The following SCUBE1 variants were observed in gnomAD, a reference collection of about 807,000 sequenced individuals.
SCUBE1 encodes signal peptide, CUB and EGF-like domain-containing protein 1.
SCUBE1 carries 59 observed loss-of-function variants against 124.4 expected under a neutral mutation model. The ratio of observed to expected loss-of-function variants is 0.47; its 90% CI spans 0.38 to 0.59. The LOEUF (loss-of-function observed/expected upper bound fraction) is 0.59. Ranked by LOEUF, SCUBE1 falls within the 20% of genes least tolerant of loss-of-function variation. The pLI is 0.00. For synonymous variants in SCUBE1, 545 were observed against 550.9 expected, an observed-to-expected ratio of 0.99 and a Z score of 0.15; for missense variants, 1,150 against 1,371.2, an observed-to-expected ratio of 0.84 and a Z score of 2.55.
chr22:43,342,376 C>G (rs1261877970), intron 1 of SCUBE1, among the ~76,000 whole-genome samples: 1 of 152,084 alleles, frequency 6.6e-6, no homozygotes, highest in East Asian at 1.9e-4. Context: ...CTCCCTGTGT[C>G]TGTCCTCCGG....
At chr22:43,278,509 C>T (rs1037113127) in intron 4 of SCUBE1, among the ~76,000 whole-genome samples, 1 of 152,210 alleles carries the variant, frequency 6.6e-6, no homozygotes, top group African/African-American at 2.4e-5. Context: ...GTGCTAGGGC[C>T]CCTCAGGTCA....
intron 4 of SCUBE1, among the ~76,000 whole-genome samples, chr22:43,281,396 ATCCTGTCACCTCCCTCAGCCATCC>A (rs1311046162): frequency 6.3e-4 from 35 of 55,502 alleles, no homozygotes; most frequent in Admixed American, 2.6e-3. Context: ...CTCCTCAGCT[ATCCTGTCACCTCCCTCAGCCATCC>A]TCCTGTCACC....
intron 3 of SCUBE1, among the ~76,000 whole-genome samples, chr22:43,302,232 C>T (rs1239689629): frequency 2.0e-5 from 3 of 152,198 alleles, no homozygotes; most frequent in South Asian, 2.1e-4. Flanking sequence ...CAGTGCATGA[C>T]GGGATCCATG....
chr22:43,327,859 A>G (rs181435938), intron 2 of SCUBE1, among the ~76,000 whole-genome samples: 2 of 152,356 alleles, frequency 1.3e-5, no homozygotes, highest in Non-Finnish European at 2.9e-5. Flanking sequence ...ATGTGAATAT[A>G]CTAAAGGCAT....
At chr22:43,301,869 G>A (rs1387330379) in intron 3 of SCUBE1, among the ~76,000 whole-genome samples, 1 of 152,242 alleles carries the variant, frequency 6.6e-6, no homozygotes, top group Non-Finnish European at 1.5e-5. Context: ...TTCTGGCCTG[G>A]ACATCCACAG....
intron 21 of SCUBE1, among the ~76,000 whole-genome samples, chr22:43,204,381 C>T (rs1243505966): frequency 6.6e-6 from 1 of 152,014 alleles, no homozygotes; most frequent in Non-Finnish European, 1.5e-5. Flanking sequence ...GGTCACTGCA[C>T]CTCGCCTCCT....
chr22:43,292,272 C>T (rs1050611490), intron 3 of SCUBE1, among the ~76,000 whole-genome samples: 9 of 152,182 alleles, frequency 5.9e-5, no homozygotes, highest in Admixed American at 3.9e-4. Context: ...TTCCCACTCT[C>T]GGGGAGAGGC....
chr22:43,245,663 C>T (rs1226623541), intron 6 of SCUBE1, among the ~76,000 whole-genome samples: 2 of 152,200 alleles, frequency 1.3e-5, no homozygotes, highest in Non-Finnish European at 2.9e-5. Flanking sequence ...GTCTCCTGGA[C>T]TCTGCCTTTT....
intron 3 of SCUBE1, among the ~76,000 whole-genome samples, chr22:43,317,568 C>A (rs1215970805): frequency 6.6e-6 from 1 of 152,210 alleles, no homozygotes; most frequent in Non-Finnish European, 1.5e-5. Context: ...CGGACATGCT[C>A]CTGCCAAATC....
chr22:43,238,730 A>T, intron 7 of SCUBE1, 108 bp downstream of exon 7: 2 of 879,450 alleles, frequency 2.3e-6, no homozygotes, highest in Non-Finnish European at 3.9e-6. Flanking sequence ...TCCCACAGCT[A>T]CACGTGGCCC....
intron 4 of SCUBE1, among the ~76,000 whole-genome samples, chr22:43,279,804 G>A (rs1179787579): frequency 1.3e-5 from 2 of 152,160 alleles, no homozygotes; most frequent in Non-Finnish European, 2.9e-5. Flanking sequence ...ACCTGCCCTG[G>A]CACAAAAATG....
At chr22:43,224,501 C>A (rs1024177744) in intron 10 of SCUBE1, among the ~76,000 whole-genome samples, 2 of 152,184 alleles carry the variant, frequency 1.3e-5, no homozygotes, top group African/African-American at 4.8e-5. Context: ...TCCTTGGGGA[C>A]CAGATGGCGA....
intron 4 of SCUBE1, among the ~76,000 whole-genome samples, chr22:43,280,724 TGTCACC>T (rs1924769553): frequency 3.2e-5 from 2 of 63,074 alleles, no homozygotes; most frequent in African/African-American, 1.5e-4. Context: ...GCCACCCTCC[TGTCACC>T]TTCCTCCTCG....
intron 3 of SCUBE1, among the ~76,000 whole-genome samples, chr22:43,299,270 G>A (rs1023656770): frequency 1.3e-5 from 2 of 152,204 alleles, no homozygotes; most frequent in African/African-American, 4.8e-5. Flanking sequence ...AGCAGGTGCA[G>A]CACGAAGCCG....
intron 3 of SCUBE1, among the ~76,000 whole-genome samples, chr22:43,307,827 G>C (rs879057384): frequency 2.0e-5 from 3 of 152,184 alleles, no homozygotes; most frequent in Admixed American, 2.0e-4. Flanking sequence ...ACATATGACA[G>C]GGAAACTGAG....
At position 43,198,565 on chromosome 22, in the gene SCUBE1, C is replaced by T. The variant is rs756080100; in HGVS notation, c.*5432G>A. The T allele has an allele frequency of 2.8e-5, 13 of 456,648 alleles. No individual in the cohort carries two copies. The highest frequency in any genetic ancestry group is 1.9e-4 in the South Asian group (12 of 64,578). The allele number at this position is 456,648 out of a possible 1,614,324, so 28.3% of individuals were successfully genotyped here. ...TCTCTGCTCTCTCTCCACATCCTCA[C>T]TCCACCCCTCATTACATCCTCTGCC... On this transcript the variant is annotated 3_prime_UTR_variant, in exon 22 of 22. Coordinates refer to ENST00000360835, the MANE Select transcript of SCUBE1 (RefSeq NM_173050.5).
At chr22:43,323,672 A>G (rs1362617702) in intron 2 of SCUBE1, among the ~76,000 whole-genome samples, 3 of 151,922 alleles carry the variant, frequency 2.0e-5, no homozygotes, top group Non-Finnish European at 4.4e-5. Context: ...CATTGATTCA[A>G]ATACCCACCT....
intron 4 of SCUBE1, among the ~76,000 whole-genome samples, chr22:43,275,571 A>C (rs1485393046): frequency 6.6e-6 from 1 of 152,224 alleles, no homozygotes; most frequent in Non-Finnish European, 1.5e-5. Context: ...CATTTCAAAC[A>C]CATGAGTGCA....
intron 3 of SCUBE1, among the ~76,000 whole-genome samples, chr22:43,315,462 C>CCAGTTCTTACAG (rs1461866772): frequency 6.6e-6 from 1 of 152,152 alleles, no homozygotes; most frequent in Non-Finnish European, 1.5e-5. Flanking sequence ...ACGAGGTACT[C>CCAGTTCTTACAG]CAGTTCTTAC....
Sources: gnomAD v4.1 joint callset for allele counts (sites outside exome capture counted in the v4.1 genomes callset) on GRCh38, gnomAD v4.1.1 for gene constraint, MANE v1.5 for transcripts, NCBI Gene and HGNC (gene_info 2026-07-23, HGNC 2026-07-21) for gene names.